TRPC5: variants seen among roughly 807,000 people sequenced by gnomAD.
The protein encoded by TRPC5 is transient receptor potential cation channel subfamily C member 5, also known as short transient receptor potential channel 5.
Under a neutral mutation model 56.5 loss-of-function variants are expected in TRPC5, and 9 were observed. That is an observed-to-expected ratio of 0.16 (90% CI 0.10 to 0.28). TRPC5 has a LOEUF of 0.28. Among genes scored for constraint, TRPC5 ranks in the 10% least tolerant of loss-of-function variants. The probability of loss-of-function intolerance (pLI) is 1.00; values close to 1 mark genes in which losing one functional copy is unlikely to be tolerated. For synonymous variants in TRPC5, 282 were observed against 278.5 expected, an observed-to-expected ratio of 1.01 and a Z score of -0.13; for missense variants, 469 against 748.9, an observed-to-expected ratio of 0.63 and a Z score of 4.36.
Position 111,888,510 on chromosome X carries a change from C to CA in TRPC5, c.900+23780dup, listed in dbSNP as rs200585074. On this transcript the variant is annotated intron_variant, in intron 3 of 10. Coordinates refer to ENST00000262839, the MANE Select transcript of TRPC5 (RefSeq NM_012471.3). ...CAACATGGTGAAACCCCGTCTCTAC[C>CA]AAAAAAAAAAAAAAGAAAGAAAAGA... 2.0e-3 allele frequency among the ~76,000 whole-genome samples: 129 copies of CA among 65,257 alleles called. 1 individual carries two copies. In the East Asian group the frequency reaches 0.033, roughly 17 times the overall value. The allele number at this position is 65,257 out of a possible 115,157, so 56.7% of individuals were successfully genotyped here. A position where few individuals can be genotyped will look rare whatever the true frequency, so the allele number is the denominator to read the frequency against.
At chrX:111,980,984 T>A (rs1345754532) in intron 1 of TRPC5, among the ~76,000 whole-genome samples, 1 of 107,552 alleles carries the variant, frequency 9.3e-6, no homozygotes, top group Non-Finnish European at 1.9e-5. Context: ...TAAATTTATA[T>A]GTATATGTAT....
intron 3 of TRPC5, among the ~76,000 whole-genome samples, chrX:111,909,152 T>TC (rs1346997128): frequency 2.9e-5 from 1 of 34,163 alleles, no homozygotes; most frequent in East Asian, 2.8e-3. Context: ...ATAAATTAAT[T>TC]AAAAAAAAAA....
At chrX:111,830,675 G>A (rs1292167380) in intron 7 of TRPC5, among the ~76,000 whole-genome samples, 2 of 111,847 alleles carry the variant, frequency 1.8e-5, no homozygotes, top group Non-Finnish European at 3.8e-5. Context: ...CTGCCACCAT[G>A]TAAGACCTGC....
chrX:111,966,744 A>T (rs1376771574), intron 1 of TRPC5, among the ~76,000 whole-genome samples: 1 of 112,664 alleles, frequency 8.9e-6, no homozygotes, highest in African/African-American at 3.2e-5. Flanking sequence ...GATTATCTCA[A>T]TAGATGCAGA....
At chrX:111,885,955 G>T (rs979319396) in intron 3 of TRPC5, among the ~76,000 whole-genome samples, 1 of 111,614 alleles carries the variant, frequency 9.0e-6, no homozygotes, top group African/African-American at 3.3e-5. Context: ...AGGTTTCTCT[G>T]CCTCCAAAGC....
chrX:112,078,543 G>A (rs1446688726), intron 1 of TRPC5, among the ~76,000 whole-genome samples: 3 of 111,306 alleles, frequency 2.7e-5, no homozygotes, highest in South Asian at 7.6e-4. Flanking sequence ...CAAGATCCCC[G>A]CTTGTTTCTT....
chrX:111,787,487 A>G (rs958665140), intron 7 of TRPC5, among the ~76,000 whole-genome samples: 2 of 110,425 alleles, frequency 1.8e-5, no homozygotes, highest in African/African-American at 6.6e-5. Flanking sequence ...TAACATCACA[A>G]TTAAAAGAAC....
At chrX:112,040,478 T>C (rs1929865196) in intron 1 of TRPC5, among the ~76,000 whole-genome samples, 1 of 111,723 alleles carries the variant, frequency 9.0e-6, no homozygotes, top group Non-Finnish European at 1.9e-5. Flanking sequence ...TAAATACGCA[T>C]GTCACACATA....
At chrX:111,849,424 G>T in intron 5 of TRPC5, among the ~76,000 whole-genome samples, 1 of 112,480 alleles carries the variant, frequency 8.9e-6, no homozygotes, top group Non-Finnish European at 1.9e-5. Flanking sequence ...GGGCTCTATG[G>T]TTCCCATCAC....
At chrX:111,995,984 T>C (rs1051237758) in intron 1 of TRPC5, among the ~76,000 whole-genome samples, 1 of 110,550 alleles carries the variant, frequency 9.0e-6, no homozygotes, top group Non-Finnish European at 1.9e-5. Flanking sequence ...TCTATCTCTT[T>C]CACTTCTGCT....
intron 3 of TRPC5, 50 bp from the exon 4 acceptor site, chrX:111,854,156 T>C: frequency 8.9e-7 from 1 of 1,120,790 alleles, no homozygotes; most frequent in Non-Finnish European, 1.2e-6. Context: ...CAGGAGAAAG[T>C]CTACTGTCAT....
chrX:111,854,648 A>G (rs993776104), intron 3 of TRPC5, among the ~76,000 whole-genome samples: 1 of 112,311 alleles, frequency 8.9e-6, no homozygotes, highest in African/African-American at 3.2e-5. Context: ...ACGTGAGGTC[A>G]TCATCAATGT....
rs1163231468 is a variant in TRPC5 at position 112,023,246 on chromosome X, GTTTTTTTTT to G, written c.-22+58624_-22+58632del. On this transcript the variant is annotated intron_variant, in intron 1 of 10. Coordinates refer to ENST00000262839, the MANE Select transcript of TRPC5 (RefSeq NM_012471.3). ...ACTGCGCCCAGCAGTTTTTTTTTTT[GTTTTTTTTT>G]TTTTTTTTTTTTTTTTTTTTACAAA... Among the ~76,000 whole-genome samples, 260 of 56,702 alleles carry G rather than the reference GTTTTTTTTT, an allele frequency of 4.6e-3. 2 individuals are homozygous for G. The highest frequency in any genetic ancestry group is 0.017 in the African/African-American group (251 of 14,673). 49.2% of individuals were successfully genotyped at this position (56,702 alleles called of 115,157 possible). A position where few individuals can be genotyped will look rare whatever the true frequency, so the allele number is the denominator to read the frequency against.
chrX:111,971,490 A>G (rs1432688715), intron 1 of TRPC5, among the ~76,000 whole-genome samples: 1 of 111,429 alleles, frequency 9.0e-6, no homozygotes, highest in Non-Finnish European at 1.9e-5. Flanking sequence ...TCAGAGATGG[A>G]GTTGCTCTGA....
rs1041733190 is a variant in TRPC5, at chrX:111,773,074, G to A, written c.*3239C>T. Reference sequence around the variant, plus strand: ...AATCAAATTGCAGACAGGTATTTACGACTTAGCTGAAATAGCCTAAGTTAG... The same window carrying A: ...AATCAAATTGCAGACAGGTATTTACAACTTAGCTGAAATAGCCTAAGTTAG... On this transcript the variant is annotated 3_prime_UTR_variant, in exon 11 of 11. Coordinates refer to ENST00000262839, the MANE Select transcript of TRPC5 (RefSeq NM_012471.3). 6.2e-5 allele frequency among the ~76,000 whole-genome samples: 7 copies of A among 112,043 alleles called. No homozygotes were observed. The highest frequency in any genetic ancestry group is 2.8e-4 in the East Asian group (1 of 3,555).
intron 8 of TRPC5, 23 bp from the exon 9 acceptor site, chrX:111,781,229 A>T (rs2148549175): frequency 8.4e-7 from 1 of 1,190,535 alleles, no homozygotes; most frequent in Non-Finnish European, 1.1e-6. Flanking sequence ...ATAGACAGAG[A>T]TGTTACATCA....
chrX:111,965,195 C>A (rs1927525006), intron 1 of TRPC5, among the ~76,000 whole-genome samples: 1 of 111,433 alleles, frequency 9.0e-6, no homozygotes, highest in African/African-American at 3.3e-5. Context: ...ATAAAACAGA[C>A]TTTAAAACAA....
At chrX:112,002,229 C>A (rs775727428) in intron 1 of TRPC5, among the ~76,000 whole-genome samples, 1 of 112,647 alleles carries the variant, frequency 8.9e-6, no homozygotes, top group African/African-American at 3.2e-5. Flanking sequence ...AAAATTTTCA[C>A]TGACCTGGTC....
chrX:112,061,234 G>C (rs1475325169), intron 1 of TRPC5, among the ~76,000 whole-genome samples: 1 of 112,192 alleles, frequency 8.9e-6, no homozygotes, highest in Non-Finnish European at 1.9e-5. Context: ...GCTACAGAAA[G>C]GGTGGCAAAA....
Sources: allele counts gnomAD v4.1 joint callset (sites outside exome capture counted in the v4.1 genomes callset), GRCh38; gene constraint gnomAD v4.1.1; transcripts MANE v1.5; gene names NCBI Gene and HGNC (gene_info 2026-07-23, HGNC 2026-07-21).